The following INPP4B variants were observed in gnomAD, a reference collection of about 807,000 sequenced individuals.
The protein encoded by INPP4B is inositol polyphosphate 4-phosphatase type II.
A neutral mutation model predicts 122.5 loss-of-function variants in INPP4B; 55 were observed. That is an observed-to-expected ratio of 0.45 (90% CI 0.36 to 0.56). The LOEUF (loss-of-function observed/expected upper bound fraction) is 0.56. INPP4B is among the 20% of genes least tolerant of loss of function. The probability of loss-of-function intolerance (pLI) is 0.00; values close to 1 mark genes in which losing one functional copy is unlikely to be tolerated. For missense variants in INPP4B, 1,000 were observed against 1,097.7 expected (o/e 0.91, Z 1.26); for synonymous variants, 403 against 388.7 (o/e 1.04, Z -0.43).
chr4:142,080,309 G>A (rs1773225280), intron 25 of INPP4B, among the ~76,000 whole-genome samples: 1 of 152,054 alleles, frequency 6.6e-6, no homozygotes, highest in South Asian at 2.1e-4. Flanking sequence ...TACCCAGAGG[G>A]AAATGAAGGC....
At chr4:142,244,594 T>C (rs906748893) in intron 11 of INPP4B, among the ~76,000 whole-genome samples, 1 of 152,166 alleles carries the variant, frequency 6.6e-6, no homozygotes, top group Non-Finnish European at 1.5e-5. Flanking sequence ...TGAGCCACCA[T>C]GCCCAGCCCA....
At chr4:142,142,989 G>A (rs888781070) in intron 18 of INPP4B, among the ~76,000 whole-genome samples, 2 of 151,960 alleles carry the variant, frequency 1.3e-5, no homozygotes, top group African/African-American at 4.8e-5. Flanking sequence ...GACCTATGAA[G>A]GAGAAGAGTT....
intron 2 of INPP4B, among the ~76,000 whole-genome samples, chr4:142,513,133 A>T (rs1400198653): frequency 6.6e-6 from 1 of 152,210 alleles, no homozygotes; most frequent in Non-Finnish European, 1.5e-5. Context: ...TTAATGAGCA[A>T]ATATGTATGC....
chr4:142,414,161 T>C (rs1476625409), intron 5 of INPP4B, among the ~76,000 whole-genome samples: 1 of 152,172 alleles, frequency 6.6e-6, no homozygotes, highest in Non-Finnish European at 1.5e-5. Context: ...AAATATTAGC[T>C]TCAGATTGTT....
At chr4:142,751,517 T>TA in intron 1 of INPP4B, among the ~76,000 whole-genome samples, 1 of 152,244 alleles carries the variant, frequency 6.6e-6, no homozygotes, top group South Asian at 2.1e-4. Flanking sequence ...AAAAGCTATG[T>TA]AATATGCATC....
At chr4:142,146,111 G>A (rs1293105235) in intron 17 of INPP4B, 115 bp from the exon 18 acceptor site, 5 of 1,125,230 alleles carry the variant, frequency 4.4e-6, no homozygotes, top group Non-Finnish European at 5.1e-6. Flanking sequence ...AATGCAGATT[G>A]AGTAGCTCTA....
At chr4:142,556,444 A>C (rs1284244070) in intron 2 of INPP4B, among the ~76,000 whole-genome samples, 6 of 152,168 alleles carry the variant, frequency 3.9e-5, no homozygotes, top group Admixed American at 1.3e-4. Context: ...TGGTAATTTA[A>C]ATAGAAGAAA....
At chr4:142,468,211 G>A (rs956759535) in intron 2 of INPP4B, among the ~76,000 whole-genome samples, 10 of 152,012 alleles carry the variant, frequency 6.6e-5, no homozygotes, top group Non-Finnish European at 1.5e-4. Context: ...GGTGTGATGG[G>A]GATATAGCTA....
chr4:142,038,914 C>G (rs1745635344), intron 25 of INPP4B, among the ~76,000 whole-genome samples: 1 of 152,140 alleles, frequency 6.6e-6, no homozygotes. Context: ...TTTGTATAAG[C>G]TCAAAATGGT....
At position 142,608,679 on chromosome 4, in the gene INPP4B, TC is replaced by T. The variant is rs546165316; in HGVS notation, c.-191+117159del. Among the ~76,000 whole-genome samples, 300 of 152,236 alleles carry T rather than the reference TC, an allele frequency of 2.0e-3. 3 individuals are homozygous for T. The highest frequency in any genetic ancestry group is 3.1e-3 in the Non-Finnish European group (213 of 68,010). On this transcript the variant is annotated intron_variant, in intron 2 of 25. Coordinates refer to ENST00000262992, the MANE Select transcript of INPP4B (RefSeq NM_001101669.3). ...CTCTGACCTACTCTGTACAACACCC[TC>T]CAAGACTTATCATCTGGAAAGACCA...
At chr4:142,595,125 G>A (rs572752527) in intron 2 of INPP4B, among the ~76,000 whole-genome samples, 8 of 151,484 alleles carry the variant, frequency 5.3e-5, no homozygotes, top group South Asian at 2.1e-4. Context: ...GCCTATTTAC[G>A]TAAGTTTTCT....
At chr4:142,546,829 A>T (rs1829697601) in intron 2 of INPP4B, among the ~76,000 whole-genome samples, 1 of 152,172 alleles carries the variant, frequency 6.6e-6, no homozygotes, top group Non-Finnish European at 1.5e-5. Context: ...TTCCTAATAC[A>T]ACTAACTTTC....
intron 1 of INPP4B, among the ~76,000 whole-genome samples, chr4:142,810,740 A>C (rs1169492395): frequency 6.6e-6 from 1 of 152,194 alleles, no homozygotes; most frequent in Non-Finnish European, 1.5e-5. Flanking sequence ...GGTCACACAT[A>C]AGGCTGTTAT....
intron 14 of INPP4B, among the ~76,000 whole-genome samples, chr4:142,193,880 A>G (rs964249188): frequency 2.6e-5 from 4 of 152,172 alleles, no homozygotes; most frequent in Non-Finnish European, 5.9e-5. Flanking sequence ...AGTTTGATAC[A>G]TATTAAGTTT....
chr4:142,108,178 G>T lies in INPP4B; in HGVS notation c.2289C>A (p.Val763=), dbSNP rs1462669460. The T allele has an allele frequency of 6.3e-7, 1 of 1,589,068 alleles. No homozygotes were observed. Among genetic ancestry groups the T allele is most frequent in the South Asian group, 1.1e-5 (1 of 89,918 alleles). Residue 763 remains valine, a synonymous_variant, in exon 23 of 26, where the codon GTC becomes GTA. Transcript: ENST00000262992. The part of the protein sequence containing the change: ...QQTLAERFGD[V]SLQESINQEN... Reference sequence around the variant, plus strand: ...CCTGATTAATACTTTCTTGCAAAGAGACATCTCCAAACCTACAAACAGAAA... The same window carrying T: ...CCTGATTAATACTTTCTTGCAAAGATACATCTCCAAACCTACAAACAGAAA...
At chr4:142,592,815 C>T (rs190285978) in intron 2 of INPP4B, among the ~76,000 whole-genome samples, 1 of 152,028 alleles carries the variant, frequency 6.6e-6, no homozygotes, top group African/African-American at 2.4e-5. Context: ...CAAAGACCGT[C>T]ATAGGCTGGG....
intron 9 of INPP4B, among the ~76,000 whole-genome samples, chr4:142,277,476 T>C (rs1465038899): frequency 2.0e-5 from 3 of 152,024 alleles, no homozygotes; most frequent in Non-Finnish European, 4.4e-5. Context: ...TGGAAAACAG[T>C]GTAGAAAGAA....
At chr4:142,638,981 T>G (rs1342853751) in intron 2 of INPP4B, among the ~76,000 whole-genome samples, 1 of 152,208 alleles carries the variant, frequency 6.6e-6, no homozygotes, top group Non-Finnish European at 1.5e-5. Context: ...GTTGTTATCA[T>G]GAATGGGTGT....
At chr4:142,035,268 T>G (rs1482434024) in intron 25 of INPP4B, among the ~76,000 whole-genome samples, 1 of 152,156 alleles carries the variant, frequency 6.6e-6, no homozygotes, top group Non-Finnish European at 1.5e-5. Context: ...CAAGCCTCCA[T>G]TTCCCTTCTT....
Sources: gnomAD v4.1 joint callset for allele counts (sites outside exome capture counted in the v4.1 genomes callset) on GRCh38, gnomAD v4.1.1 for gene constraint, MANE v1.5 for transcripts, NCBI Gene and HGNC (gene_info 2026-07-23, HGNC 2026-07-21) for gene names.